The following KIF25 variants were observed in gnomAD, a reference collection of about 807,000 sequenced individuals.
KIF25 encodes the protein kinesin family member 25, also known as kinesin-like protein KIF25.
A neutral mutation model predicts 32.9 loss-of-function variants in KIF25; 19 were observed. That is an observed-to-expected ratio of 0.58 (90% CI 0.40 to 0.85). The LOEUF (loss-of-function observed/expected upper bound fraction) is 0.85. Ranked by LOEUF, KIF25 falls within the 40% of genes least tolerant of loss-of-function variation. The pLI is 0.00. For missense variants in KIF25, 485 were observed against 507.0 expected (o/e 0.96, Z 0.42); for synonymous variants, 225 against 213.7 (o/e 1.05, Z -0.46).
At chr6:168,018,837 T>C (rs1798750443) in intron 5 of KIF25, among the ~76,000 whole-genome samples, 1 of 152,182 alleles carries the variant, frequency 6.6e-6, no homozygotes, top group South Asian at 2.1e-4. Flanking sequence ...GCAGCCTGTG[T>C]CGCTCGATAG....
intron 8 of KIF25, 100 bp downstream of exon 8, chr6:168,034,131 A>C: frequency 8.0e-7 from 1 of 1,254,418 alleles, no homozygotes; most frequent in Non-Finnish European, 1.1e-6. Context: ...CCATTTGAAG[A>C]AGGTGATCAA....
chr6:168,040,114 C>A lies in KIF25; in HGVS notation c.544C>A (p.Gln182Lys). 1 of 1,613,902 alleles carries A rather than the reference C, an allele frequency of 6.2e-7. No homozygotes were observed. The highest frequency in any genetic ancestry group is 8.5e-7 in the Non-Finnish European group (1 of 1,179,974). The change falls in exon 10 of 13, where the codon CAG becomes AAG. Residue 182 changes from glutamine (Q) to lysine (K), a missense_variant. By Grantham distance (53) the Gln-to-Lys change is moderately conservative. This residue lies in a region of KIF25 where 480 missense variants were observed against 470.3 expected (regional missense o/e 1.02). Transcript: ENST00000643607. ...KLMELVHGGL[Q>K]LRAKHPTLVH... Reference sequence around the variant, plus strand: ...GATGGAGCTCGTTCATGGAGGTCTGCAGCTCAGGGCGAAGCACCCCACCCT... The same window carrying A: ...GATGGAGCTCGTTCATGGAGGTCTGAAGCTCAGGGCGAAGCACCCCACCCT...
At chr6:168,020,648 G>A (rs1274687074) in intron 5 of KIF25, among the ~76,000 whole-genome samples, 3 of 152,062 alleles carry the variant, frequency 2.0e-5, no homozygotes, top group South Asian at 2.1e-4. Context: ...GATAGAATCC[G>A]ATTGCAGGCA....
chr6:168,030,742 A>G (rs1397190113), intron 6 of KIF25, 31 bp from the exon 7 acceptor site: 1 of 1,591,682 alleles, frequency 6.3e-7, no homozygotes, highest in African/African-American at 1.4e-5. Flanking sequence ...TGCTGCTTCT[A>G]TTAATACAGC....
chr6:168,028,136 A>T (rs1472356756), intron 5 of KIF25, among the ~76,000 whole-genome samples: 1 of 152,088 alleles, frequency 6.6e-6, no homozygotes, highest in Admixed American at 6.5e-5. Context: ...ACCCCATTTT[A>T]TCTTTTTATA....
chr6:168,027,665 C>A (rs1448836796), intron 5 of KIF25, among the ~76,000 whole-genome samples: 1 of 152,140 alleles, frequency 6.6e-6, no homozygotes, highest in Non-Finnish European at 1.5e-5. Flanking sequence ...ACCGGGACCG[C>A]CCCTCCTCCC....
chr6:168,043,795 T>TC (rs1799168486), intron 12 of KIF25, among the ~76,000 whole-genome samples: 1 of 152,216 alleles, frequency 6.6e-6, no homozygotes, highest in Non-Finnish European at 1.5e-5. Flanking sequence ...TCTGCACTTT[T>TC]CCTCCCCCTT....
chr6:168,038,501 A>G (rs1029569339), intron 8 of KIF25, 52 bp from the exon 9 acceptor site: 61 of 1,592,704 alleles, frequency 3.8e-5, no homozygotes, highest in African/African-American at 1.7e-4. Flanking sequence ...GCTTACACTG[A>G]AAATCACTCT....
intron 12 of KIF25, among the ~76,000 whole-genome samples, 168 bp downstream of exon 12, chr6:168,042,884 C>T (rs756946193): frequency 6.6e-6 from 1 of 152,146 alleles, no homozygotes; most frequent in African/African-American, 2.4e-5. Context: ...CATTCTCCTG[C>T]GCCGTCTCAC....
Position 168,040,214 on chromosome 6 carries a change from C to A in KIF25, c.644C>A (p.Thr215Asn). ...TLTTASCSDS[T>N]ADQACSATLP... Reference sequence around the variant, plus strand: ...ACCACAGCCTCCTGCTCTGACAGCACTGGTAAGTCACCATTTGTGCTTGGT... The same window carrying A: ...ACCACAGCCTCCTGCTCTGACAGCAATGGTAAGTCACCATTTGTGCTTGGT... The change falls in exon 10 of 13, where the codon ACT becomes AAT. Residue 215 changes from threonine to asparagine, a missense_variant and splice_region_variant. Thr to Asn is a moderately conservative substitution (Grantham distance 65, BLOSUM62 0). Coordinates refer to ENST00000643607, the MANE Select transcript of KIF25 (RefSeq NM_030615.4). 1 of 1,609,852 alleles carries A rather than the reference C, an allele frequency of 6.2e-7. No homozygotes were observed. The highest frequency in any genetic ancestry group is 8.5e-7 in the Non-Finnish European group (1 of 1,178,112).
At chr6:168,005,686 G>C (rs1798570246) in intron 4 of KIF25, among the ~76,000 whole-genome samples, 1 of 152,226 alleles carries the variant, frequency 6.6e-6, no homozygotes, top group Non-Finnish European at 1.5e-5. Flanking sequence ...CGATGTTCGA[G>C]GGTAGGAAGC....
Position 168,014,108 on chromosome 6 carries a change from A to G in KIF25, c.-162-3865A>G, listed in dbSNP as rs1001185378. Among the ~76,000 whole-genome samples, 3 of 152,176 alleles carry G rather than the reference A, an allele frequency of 2.0e-5. No homozygotes were observed. In the South Asian group the frequency reaches 6.2e-4, roughly 32 times the overall value. On this transcript the variant is annotated intron_variant, in intron 4 of 12. Coordinates refer to ENST00000643607, the MANE Select transcript of KIF25 (RefSeq NM_030615.4). ...CTCATGATCAGGACTTCGTGTTAAC[A>G]GGAGCCCTTGGGACCTTATCAATCC...
intron 9 of KIF25, among the ~76,000 whole-genome samples, chr6:168,039,386 T>C (rs1799082748): frequency 6.6e-6 from 1 of 152,230 alleles, no homozygotes; most frequent in African/African-American, 2.4e-5. Flanking sequence ...TTCCTCAAAG[T>C]TCCCTATTGT....
Position 168,013,803 on chromosome 6 carries a change from C to A in KIF25, c.-162-4170C>A, listed in dbSNP as rs1382655523. Among the ~76,000 whole-genome samples, 7 of 152,210 alleles carry A rather than the reference C, an allele frequency of 4.6e-5. No individual in the cohort carries two copies. The East Asian group carries it at 1.2e-3, about 25-fold the overall frequency. On this transcript the variant is annotated intron_variant, in intron 4 of 12. Coordinates refer to ENST00000643607, the MANE Select transcript of KIF25 (RefSeq NM_030615.4). The stretch of plus-strand genomic sequence containing the variant: ...CAGAAGCCAGGTGCCTCCCCTCTGC[C>A]TTCCTGGACTTCCGGTCAACACAGG...
At chr6:168,020,867 A>G (rs76219677) in intron 5 of KIF25, among the ~76,000 whole-genome samples, 2,150 of 152,330 alleles carry the variant, frequency 0.014, 58 homozygotes, top group African/African-American at 0.049. Flanking sequence ...GCTAACATTA[A>G]TCAGAGGAAA....
In KIF25 at chr6:168,043,057, G is replaced by A. The variant is rs114799179; in HGVS notation, c.985+341G>A. Among the ~76,000 whole-genome samples, 819 of 152,262 alleles carry A rather than the reference G, an allele frequency of 5.4e-3. 10 individuals are homozygous for A. The highest frequency in any genetic ancestry group is 0.019 in the African/African-American group (774 of 41,540). On this transcript the variant is annotated intron_variant, in intron 12 of 12. Transcript: ENST00000643607. ...CTGCATGTGTGGCCTGGGTCCCTCC[G>A]GCTGTGTAGACCTGCTTAGGCCCCA...
intron 4 of KIF25, among the ~76,000 whole-genome samples, chr6:168,012,271 T>A (rs1798658395): frequency 6.6e-6 from 1 of 152,240 alleles, no homozygotes; most frequent in Admixed American, 6.5e-5. Flanking sequence ...GGTTGCTGTG[T>A]CCCTAACATT....
At chr6:168,035,425 TGGAACGGCGCGGCGGAGGAGGCG>T (rs1562390499) in intron 8 of KIF25, among the ~76,000 whole-genome samples, 269 of 2,164 alleles carry the variant, frequency 0.12, 3 homozygotes, top group Middle Eastern at 0.5. Flanking sequence ...ATGCCGGGGC[TGGAACGGCGCGGCGGAGGAGGCG>T]GGAACGGCGC....
At chr6:168,018,622 T>A (rs1393233980) in intron 5 of KIF25, among the ~76,000 whole-genome samples, 3 of 152,216 alleles carry the variant, frequency 2.0e-5, no homozygotes, top group Non-Finnish European at 2.9e-5. Flanking sequence ...TTCTGTCAGA[T>A]GCCTTCCTCG....
Sources: gnomAD v4.1 joint callset for allele counts (sites outside exome capture counted in the v4.1 genomes callset) on GRCh38, gnomAD v4.1.1 for gene constraint, gnomAD v4.1.1 regional missense constraint, MANE v1.5 for transcripts, NCBI Gene and HGNC (gene_info 2026-07-23, HGNC 2026-07-21) for gene names.